Variants in DLC1 observed in about 807,000 individuals in gnomAD.
The protein encoded by DLC1 is DLC1 Rho GTPase activating protein, also known as rho GTPase-activating protein 7.
DLC1 carries 54 observed loss-of-function variants against 140.3 expected under a neutral mutation model. The observed-to-expected ratio is 0.38, with a 90% CI of 0.31 to 0.48. DLC1 has a LOEUF of 0.48. Among genes scored for constraint, DLC1 ranks in the 20% least tolerant of loss-of-function variants. The pLI, the probability that DLC1 is intolerant of heterozygous loss-of-function variation, is 0.96. For synonymous variants in DLC1, 986 were observed against 728.1 expected (o/e 1.35, Z -5.70); for missense variants, 2,536 against 1,907.0 (o/e 1.33, Z -6.14).
At position 13,086,360 on chromosome 8, in the gene DLC1, A is replaced by C; in HGVS notation, c.4396T>G (p.Ser1466Ala). Residue 1466 changes from serine to alanine, a missense_variant, in exon 17 of 18, where the codon TCC becomes GCC. Ser to Ala is a moderately conservative substitution (Grantham distance 99). Coordinates refer to ENST00000276297, the MANE Select transcript of DLC1 (RefSeq NM_182643.3). Reference sequence around the variant, plus strand: ...CCACAGGGTTCAATCAAATACCTGGACAAGAGCACATTAACCCTCACACCC... The same window carrying C: ...CCACAGGGTTCAATCAAATACCTGGCCAAGAGCACATTAACCCTCACACCC... ...VVGVRVNVLL[S>A]RYLIEPCGPG... 6.2e-7 allele frequency: 1 copy of C among 1,614,236 alleles called. No homozygotes were observed.
chr8:13,216,627 C>T (rs7008664), intron 5 of DLC1, among the ~76,000 whole-genome samples: 5,130 of 152,188 alleles, frequency 0.034, 294 homozygotes, highest in African/African-American at 0.12. Context: ...ATGCAATCAC[C>T]TCCTCTTTCT....
At chr8:13,478,039 C>A (rs559097986) in intron 2 of DLC1, among the ~76,000 whole-genome samples, 5 of 152,062 alleles carry the variant, frequency 3.3e-5, no homozygotes, top group African/African-American at 9.7e-5. Flanking sequence ...CAGAGAACAC[C>A]GTCCATGTAT....
chr8:13,582,289 A>C (rs1040310523), intron 1 of DLC1, among the ~76,000 whole-genome samples: 1 of 152,214 alleles, frequency 6.6e-6, no homozygotes, highest in African/African-American at 2.4e-5. Context: ...CAGTATACTA[A>C]TATGGTATAG....
chr8:13,289,670 G>A (rs1831683396), intron 5 of DLC1, among the ~76,000 whole-genome samples: 1 of 152,202 alleles, frequency 6.6e-6, no homozygotes, highest in Admixed American at 6.5e-5. Context: ...ACACCTGCTA[G>A]GCTATTCCAA....
At chr8:13,288,939 A>G (rs1176967520) in intron 5 of DLC1, among the ~76,000 whole-genome samples, 1 of 152,206 alleles carries the variant, frequency 6.6e-6, no homozygotes, top group East Asian at 1.9e-4. Flanking sequence ...GGCAATTTAT[A>G]TATGGCCTTT....
intron 1 of DLC1, among the ~76,000 whole-genome samples, chr8:13,551,157 C>G (rs537489925): frequency 6.6e-6 from 1 of 151,466 alleles, no homozygotes; most frequent in Non-Finnish European, 1.5e-5. Flanking sequence ...GCCAAAATCC[C>G]TTACTTTGCA....
chr8:13,462,494 C>G (rs1018780788), intron 2 of DLC1, among the ~76,000 whole-genome samples: 2 of 151,346 alleles, frequency 1.3e-5, no homozygotes, highest in African/African-American at 4.9e-5. Flanking sequence ...AGCTCCGCCT[C>G]CCAGGTTCAC....
intron 5 of DLC1, among the ~76,000 whole-genome samples, chr8:13,296,630 T>C (rs1563232686): frequency 6.6e-6 from 1 of 152,122 alleles, no homozygotes; most frequent in Non-Finnish European, 1.5e-5. Flanking sequence ...AATAAACAGA[T>C]TGATTCAAAA....
rs186390082 is a variant in DLC1 at position 13,084,822 on chromosome 8, A to G, written c.*989T>C. 1.4e-4 allele frequency: 21 copies of G among 152,360 alleles called. No homozygotes were observed. Among genetic ancestry groups the G allele is most frequent in the Admixed American group, 1.4e-3 (21 of 15,296 alleles). The allele number at this position is 152,360 out of a possible 1,614,324, so 9.4% of individuals were successfully genotyped here. A position where few individuals can be genotyped will look rare whatever the true frequency, so the allele number is the denominator to read the frequency against. ...ACACACATAGTTTCCTATATTCCCA[A>G]ACATAGTGTCTTAAGGCGTTTCTGT... On this transcript the variant is annotated 3_prime_UTR_variant, in exon 18 of 18. Coordinates refer to ENST00000276297, the MANE Select transcript of DLC1 (RefSeq NM_182643.3).
intron 8 of DLC1, 65 bp downstream of exon 8, chr8:13,102,725 C>T: frequency 7.2e-7 from 1 of 1,391,942 alleles, no homozygotes; most frequent in Non-Finnish European, 1.0e-6. Context: ...TATTACAAAA[C>T]ACATCATTCA....
chr8:13,288,724 T>A (rs147024846), intron 5 of DLC1, among the ~76,000 whole-genome samples: 179 of 152,282 alleles, frequency 1.2e-3, no homozygotes, highest in African/African-American at 4.3e-3. Flanking sequence ...CCTATCAACG[T>A]CACTAGTTCC....
In DLC1 at chr8:13,579,335, A is replaced by T. The variant is rs1363535762; in HGVS notation, c.-126+25202T>A. ...TGACTTTATATATATATATATATATATATATATATATATATATATATATAT... is the reference window on the plus strand; with the variant it reads ...TGACTTTATATATATATATATATATTTATATATATATATATATATATATAT... On this transcript the variant is annotated intron_variant, in intron 1 of 1. Coordinates refer to the DLC1 transcript ENST00000631382. Among the ~76,000 whole-genome samples, 11 of 18,428 alleles carry T rather than the reference A, an allele frequency of 6.0e-4. 1 individual carries two copies. Among genetic ancestry groups the T allele is most frequent in the African/African-American group, 7.6e-4 (4 of 5,298 alleles). The allele number at this position is 18,428 out of a possible 152,430, so 12.1% of individuals were successfully genotyped here. A position where few individuals can be genotyped will look rare whatever the true frequency, so the allele number is the denominator to read the frequency against.
intron 4 of DLC1, among the ~76,000 whole-genome samples, chr8:13,324,365 G>A (rs761286203): frequency 1.5e-4 from 21 of 140,280 alleles, no homozygotes; most frequent in Non-Finnish European, 2.2e-4. Flanking sequence ...TCAGGAGATC[G>A]AGACCATCCT....
chr8:13,393,440 C>T lies in DLC1; in HGVS notation c.1314+113G>A, dbSNP rs1250673160. The T allele has an allele frequency of 5.0e-6, 6 of 1,199,564 alleles. No individual in the cohort carries two copies. In the Admixed American group the frequency reaches 1.0e-4, roughly 21 times the overall value. The allele number at this position is 1,199,564 out of a possible 1,614,324, so 74.3% of individuals were successfully genotyped here. On this transcript the variant is annotated intron_variant, in intron 4 of 17. Coordinates refer to ENST00000276297, the MANE Select transcript of DLC1 (RefSeq NM_182643.3). ...TTAAATAAATTAAATATCATTAAGT[C>T]ACTATGGCTAAGATTCCAACAGTAT...
chr8:13,409,128 C>G (rs185041255), intron 2 of DLC1, among the ~76,000 whole-genome samples: 1 of 152,086 alleles, frequency 6.6e-6, no homozygotes. Context: ...CTGAGTCCAA[C>G]AACTATATTT....
intron 7 of DLC1, among the ~76,000 whole-genome samples, chr8:13,103,385 C>G (rs375175972): frequency 2.8e-4 from 42 of 151,748 alleles, no homozygotes; most frequent in African/African-American, 9.9e-4. Flanking sequence ...AAGTTTTTCA[C>G]TTTAATTTTT....
intron 4 of DLC1, among the ~76,000 whole-genome samples, chr8:13,365,642 G>A (rs1389956849): frequency 6.6e-6 from 1 of 152,164 alleles, no homozygotes; most frequent in Non-Finnish European, 1.5e-5. Context: ...GCGAGCCGTG[G>A]TGAGACGGTG....
intron 4 of DLC1, among the ~76,000 whole-genome samples, chr8:13,309,223 G>A (rs746204648): frequency 1.9e-3 from 283 of 152,132 alleles, no homozygotes; most frequent in Non-Finnish European, 2.6e-3. Flanking sequence ...ATATGGGTTC[G>A]CTGTAACTTA....
At chr8:13,384,483 T>C (rs917739552) in intron 4 of DLC1, among the ~76,000 whole-genome samples, 2 of 152,254 alleles carry the variant, frequency 1.3e-5, no homozygotes, top group Admixed American at 1.3e-4. Flanking sequence ...AATGTGAAAT[T>C]AAATATTTGG....
Sources: gnomAD v4.1 joint callset for allele counts (sites outside exome capture counted in the v4.1 genomes callset) on GRCh38, gnomAD v4.1.1 for gene constraint, MANE v1.5 for transcripts, NCBI Gene and HGNC (gene_info 2026-07-23, HGNC 2026-07-21) for gene names.